Variants in CCDC7 observed in about 807,000 individuals in gnomAD.
CCDC7 encodes coiled-coil domain containing 7.
A neutral mutation model predicts 196.9 loss-of-function variants in CCDC7; 183 were observed. The observed-to-expected ratio is 0.93, with a 90% CI of 0.82 to 1.05. The LOEUF is 1.05. CCDC7 is among the 50% of genes least tolerant of loss of function. The pLI, the probability that CCDC7 is intolerant of heterozygous loss-of-function variation, is 0.00. For missense variants in CCDC7, 1,540 were observed against 1,482.2 expected, an observed-to-expected ratio of 1.04 and a Z score of -0.64; for synonymous variants, 525 against 484.6, an observed-to-expected ratio of 1.08 and a Z score of -1.10.
At chr10:32,461,511 A>G (rs1421796622) in intron 3 of CCDC7, among the ~76,000 whole-genome samples, 40 of 151,896 alleles carry the variant, frequency 2.6e-4, no homozygotes. Context: ...TGCATTTTTC[A>G]TTAAAAATAT....
At chr10:32,512,971 A>G (rs989496187) in intron 9 of CCDC7, 2 of 151,990 alleles carry the variant, frequency 1.3e-5, no homozygotes, top group African/African-American at 4.8e-5. Flanking sequence ...TTACCATGCT[A>G]ATATAATAGA....
intron 41 of CCDC7, among the ~76,000 whole-genome samples, chr10:32,873,178 T>G (rs2094490772): frequency 2.0e-5 from 3 of 152,186 alleles, no homozygotes; most frequent in African/African-American, 7.2e-5. Flanking sequence ...GGTACACCAA[T>G]CAGACATAGA....
At chr10:32,602,171 C>T (rs1194188060) in intron 18 of CCDC7, among the ~76,000 whole-genome samples, 1 of 150,040 alleles carries the variant, frequency 6.7e-6, no homozygotes, top group Non-Finnish European at 1.5e-5. Flanking sequence ...CTGGAAGGAA[C>T]AAACAACTCC....
At chr10:32,585,164 C>T (rs567543067) in intron 18 of CCDC7, among the ~76,000 whole-genome samples, 310 of 151,974 alleles carry the variant, frequency 2.0e-3, no homozygotes, top group Middle Eastern at 0.01. Flanking sequence ...AGCTCCGCCT[C>T]CCGGGTTCAC....
intron 41 of CCDC7, 152 bp downstream of exon 42, chr10:32,854,641 A>G (rs1056667726): frequency 1.8e-6 from 1 of 556,048 alleles, no homozygotes; most frequent in Non-Finnish European, 3.1e-6. Context: ...TCTTCAAACA[A>G]GTAAAAATAT....
intron 20 of CCDC7, among the ~76,000 whole-genome samples, chr10:32,636,715 A>C (rs1430028552): frequency 6.6e-6 from 1 of 152,218 alleles, no homozygotes; most frequent in Admixed American, 6.5e-5. Flanking sequence ...TTATAGGAGC[A>C]TGTTTTATAA....
chr10:32,840,173 G>C (rs2092884701), intron 33 of CCDC7, among the ~76,000 whole-genome samples: 1 of 148,286 alleles, frequency 6.7e-6, no homozygotes, highest in Non-Finnish European at 1.5e-5. Context: ...ATCTAAACAA[G>C]AATGAAACAA....
intron 20 of CCDC7, among the ~76,000 whole-genome samples, chr10:32,657,221 G>T (rs2070141485): frequency 6.6e-6 from 1 of 152,188 alleles, no homozygotes. Flanking sequence ...TCTGGGGTCT[G>T]GAGGACAGTG....
intron 28 of CCDC7, among the ~76,000 whole-genome samples, chr10:32,766,070 T>C (rs944890927): frequency 2.6e-5 from 4 of 152,048 alleles, no homozygotes; most frequent in African/African-American, 9.7e-5. Context: ...ACTGGACCTC[T>C]TGAGTAAAAA....
intron 37 of CCDC7, 70 bp downstream of exon 38, chr10:32,846,529 A>C: frequency 1.1e-6 from 1 of 906,964 alleles, no homozygotes; most frequent in Non-Finnish European, 1.7e-6. Context: ...TTAAGTATAG[A>C]CATTTAATGA....
chr10:32,818,332 A>C (rs2089300782), intron 31 of CCDC7, among the ~76,000 whole-genome samples: 1 of 152,234 alleles, frequency 6.6e-6, no homozygotes, highest in Non-Finnish European at 1.5e-5. Flanking sequence ...ACCCAGATTT[A>C]TAAAGCAAGT....
intron 18 of CCDC7, among the ~76,000 whole-genome samples, chr10:32,619,190 TAATA>T (rs1201483877): frequency 6.6e-6 from 1 of 152,088 alleles, no homozygotes; most frequent in Non-Finnish European, 1.5e-5. Context: ...AATGTAATGT[TAATA>T]AATCCTAAAG....
At position 32,874,724 on chromosome 10, in the gene CCDC7, T is replaced by TTA. The variant is rs1165291263; in HGVS notation, c.4112-1614_4112-1613dup. On this transcript the variant is annotated intron_variant, in intron 41 of 41. Transcript: ENST00000639629. ...GTATGTGCATATATAAATAAAACTT[T>TTA]TATATATATACACACACACCAACAT... Among the ~76,000 whole-genome samples the TTA allele has an allele frequency of 2.1e-3, 298 of 144,046 alleles. 1 individual carries two copies. Among genetic ancestry groups the TTA allele is most frequent in the Middle Eastern group, 0.011 (3 of 274 alleles). 94.5% of individuals were successfully genotyped at this position (144,046 alleles called of 152,430 possible). A position where few individuals can be genotyped will look rare whatever the true frequency, so the allele number is the denominator to read the frequency against.
intron 28 of CCDC7, among the ~76,000 whole-genome samples, chr10:32,773,364 AT>A (rs2079467973): frequency 6.6e-6 from 1 of 151,446 alleles, no homozygotes; most frequent in African/African-American, 2.4e-5. Flanking sequence ...ATTGTTTTTT[AT>A]TCACTTTTCT....
At chr10:32,604,226 T>TG (rs1174684821) in intron 18 of CCDC7, among the ~76,000 whole-genome samples, 3 of 152,196 alleles carry the variant, frequency 2.0e-5, no homozygotes, top group African/African-American at 7.2e-5. Context: ...ATGGCACCTT[T>TG]GTAAAAAGTG....
At chr10:32,801,126 C>G (rs2084701344) in intron 29 of CCDC7, among the ~76,000 whole-genome samples, 1 of 152,132 alleles carries the variant, frequency 6.6e-6, no homozygotes, top group African/African-American at 2.4e-5. Context: ...ACTGTAAGAT[C>G]GGCATACAGA....
chr10:32,797,545 G>T (rs1261064571), intron 29 of CCDC7, among the ~76,000 whole-genome samples: 1 of 151,856 alleles, frequency 6.6e-6, no homozygotes, highest in Non-Finnish European at 1.5e-5. Flanking sequence ...GGGATAAAAG[G>T]CTACAAATTG....
intron 15 of CCDC7, among the ~76,000 whole-genome samples, chr10:32,569,589 G>A (rs2057308527): frequency 6.6e-6 from 1 of 151,954 alleles, no homozygotes; most frequent in African/African-American, 2.4e-5. Flanking sequence ...ACCATGCCTG[G>A]CTAATTTTTT....
At chr10:32,802,074 T>C (rs868177320) in intron 29 of CCDC7, among the ~76,000 whole-genome samples, 9 of 152,324 alleles carry the variant, frequency 5.9e-5, no homozygotes, top group Middle Eastern at 3.4e-3. Context: ...AGCTTGTGTC[T>C]GATTTTCCAC....
Sources: gnomAD v4.1 joint callset for allele counts (sites outside exome capture counted in the v4.1 genomes callset) on GRCh38, gnomAD v4.1.1 for gene constraint, MANE v1.5 for transcripts, NCBI Gene and HGNC (gene_info 2026-07-23, HGNC 2026-07-21) for gene names.